ABTB3: variants seen among roughly 807,000 people sequenced by gnomAD.
ABTB3 encodes ankyrin repeat- and BTB/POZ domain-containing protein 3.
chr12:107,629,665 A>G, the ABTB3 span, among the ~76,000 whole-genome samples: 2 of 104,144 alleles, frequency 1.9e-5, no homozygotes, highest in South Asian at 7.0e-4. Context: ...CAGACCCTGC[A>G]TGTGAAGACC....
At chr12:107,486,367 A>G in the ABTB3 span, 1 of 152,162 alleles carries the variant, frequency 6.6e-6, no homozygotes. Flanking sequence ...GAACACAGCC[A>G]CACCTATTCA....
chr12:107,331,114 G>T, the ABTB3 span, among the ~76,000 whole-genome samples: 48,228 of 152,024 alleles, frequency 0.32, 7,996 homozygotes, highest in African/African-American at 0.43. Context: ...AGAGTCATGA[G>T]GTGCACAAGA....
At chr12:107,604,605 GATGAA>G in the ABTB3 span, among the ~76,000 whole-genome samples, 1 of 152,176 alleles carries the variant, frequency 6.6e-6, no homozygotes, top group Non-Finnish European at 1.5e-5. Flanking sequence ...TTATCAAAAA[GATGAA>G]ATATAAAAGT....
chr12:107,339,372 G>A, the ABTB3 span, among the ~76,000 whole-genome samples: 12 of 152,242 alleles, frequency 7.9e-5, no homozygotes, highest in African/African-American at 2.9e-4. Context: ...AGGACTGCCC[G>A]GTGAGAGACA....
At chr12:107,635,298 G>T in the ABTB3 span, 1 of 1,613,518 alleles carries the variant, frequency 6.2e-7, no homozygotes, top group Admixed American at 1.7e-5. Flanking sequence ...GAAGTGATCA[G>T]CCAGCAGCTG....
chr12:107,341,608 T>C, the ABTB3 span, among the ~76,000 whole-genome samples: 162 of 152,274 alleles, frequency 1.1e-3, 1 homozygote, highest in East Asian at 0.027. Context: ...GCAGAATTGT[T>C]TGGCTATGAT....
the ABTB3 span, among the ~76,000 whole-genome samples, chr12:107,583,500 A>C: frequency 6.6e-6 from 1 of 152,208 alleles, no homozygotes; most frequent in Non-Finnish European, 1.5e-5. Context: ...CAGAGACCCA[A>C]TGATACAACC....
chr12:107,553,664 C>G, the ABTB3 span, among the ~76,000 whole-genome samples: 1 of 152,110 alleles, frequency 6.6e-6, no homozygotes, highest in African/African-American at 2.4e-5. Flanking sequence ...AGAGACTGGG[C>G]GTGGTGGCTC....
At chr12:107,434,625 G>T in the ABTB3 span, among the ~76,000 whole-genome samples, 1 of 152,218 alleles carries the variant, frequency 6.6e-6, no homozygotes, top group Non-Finnish European at 1.5e-5. Flanking sequence ...CACTTTGGGA[G>T]GCTGAGGCGG....
At chr12:107,389,376 G>A in the ABTB3 span, among the ~76,000 whole-genome samples, 1,557 of 152,194 alleles carry the variant, frequency 0.01, 41 homozygotes, top group African/African-American at 0.036. Context: ...TAGTTTACAG[G>A]TAGGAAAACT....
chr12:107,402,759 G>C, the ABTB3 span, among the ~76,000 whole-genome samples: 1 of 152,212 alleles, frequency 6.6e-6, no homozygotes, highest in Non-Finnish European at 1.5e-5. Context: ...AGGCCTTGCA[G>C]ACAGAATTCC....
At chr12:107,599,234 TCATAAACAGTGCCTCAG>T in the ABTB3 span, among the ~76,000 whole-genome samples, 7 of 152,332 alleles carry the variant, frequency 4.6e-5, no homozygotes, top group African/African-American at 1.7e-4. Flanking sequence ...CAGTGCATGT[TCATAAACAGTGCCTCAG>T]CCTAACAAAA....
At chr12:107,636,638 A>G in the ABTB3 span, among the ~76,000 whole-genome samples, 1 of 152,240 alleles carries the variant, frequency 6.6e-6, no homozygotes, top group Non-Finnish European at 1.5e-5. Flanking sequence ...CAGCTCAGTC[A>G]AAGGCTGTCT....
chr12:107,446,980 C>A, the ABTB3 span, among the ~76,000 whole-genome samples: 6 of 152,194 alleles, frequency 3.9e-5, no homozygotes, highest in African/African-American at 1.4e-4. Flanking sequence ...TATTCTCATT[C>A]TTTGAAAGGT....
chr12:107,636,070 G>A, the ABTB3 span, among the ~76,000 whole-genome samples: 1 of 152,190 alleles, frequency 6.6e-6, no homozygotes, highest in Non-Finnish European at 1.5e-5. Flanking sequence ...GGCAGGCACT[G>A]TGACTGCAAT....
the ABTB3 span, among the ~76,000 whole-genome samples, chr12:107,588,159 A>G: frequency 6.6e-6 from 1 of 152,206 alleles, no homozygotes; most frequent in Non-Finnish European, 1.5e-5. Flanking sequence ...GAAAGCAGTC[A>G]TATTAGATTA....
chr12:107,648,104 G>A, the ABTB3 span, among the ~76,000 whole-genome samples: 14 of 152,282 alleles, frequency 9.2e-5, no homozygotes, highest in Non-Finnish European at 1.6e-4. Flanking sequence ...ATAGGGGCCG[G>A]GCACAGTGGC....
At chr12:107,483,947 C>T in the ABTB3 span, among the ~76,000 whole-genome samples, 1 of 152,156 alleles carries the variant, frequency 6.6e-6, no homozygotes, top group Non-Finnish European at 1.5e-5. Context: ...CCACCTTGGC[C>T]TTACAAAATG....
chr12:107,445,753 T>A, the ABTB3 span, among the ~76,000 whole-genome samples: 3 of 152,170 alleles, frequency 2.0e-5, no homozygotes, highest in Non-Finnish European at 4.4e-5. Flanking sequence ...TCTGGAGGCT[T>A]ACAGGAGAAT....
Sources: gnomAD v4.1 joint callset for allele counts (sites outside exome capture counted in the v4.1 genomes callset) on GRCh38, gnomAD v4.1.1 for gene constraint, MANE v1.5 for transcripts, NCBI Gene and HGNC (gene_info 2026-07-23, HGNC 2026-07-21) for gene names.